The following HIVEP2 variants were observed in gnomAD, a reference collection of about 807,000 sequenced individuals.
The protein encoded by HIVEP2 is transcription factor HIVEP2.
A neutral mutation model predicts 180.7 loss-of-function variants in HIVEP2; 14 were observed. That is an observed-to-expected ratio of 0.08 (90% CI 0.05 to 0.12). HIVEP2 has a LOEUF of 0.12. HIVEP2 is among the 10% of genes least tolerant of loss of function. The pLI is 1.00. For synonymous variants in HIVEP2, 1,184 were observed against 1,136.4 expected (o/e 1.04, Z -0.84); for missense variants, 2,579 against 3,008.5 (o/e 0.86, Z 3.34).
Position 142,770,975 on chromosome 6 carries a change from T to C in HIVEP2, c.3764A>G (p.Tyr1255Cys), listed in dbSNP as rs1215586285. 2 of 1,614,172 alleles carry C rather than the reference T, an allele frequency of 1.2e-6. No individual in the cohort carries two copies. The highest frequency in any genetic ancestry group is 2.2e-5 in the East Asian group (1 of 44,874). The change falls in exon 5 of 10, where the codon TAT (tyrosine) becomes TGT (cysteine). Residue 1255 changes from tyrosine (Y) to cysteine (C), a missense_variant. Tyr to Cys is a radical substitution (Grantham distance 194). Around this residue, in one of 11 missense-constraint regions of HIVEP2, gnomAD observed 523 missense variants for 577.0 expected, o/e 0.91. Coordinates refer to ENST00000367603, the MANE Select transcript of HIVEP2 (RefSeq NM_006734.4). This position sits in a 1 kb window ranked among gnomAD's most constrained non-coding sequence, Gnocchi z 4.7. ...PSFQTEIHSS[Y>C]PLEHVAEHTG... ...GTGCTCTGCCACATGCTCTAAGGGATAGCTCGAATGGATTTCTGTCTGAAA... is the reference window on the plus strand; with the variant it reads ...GTGCTCTGCCACATGCTCTAAGGGACAGCTCGAATGGATTTCTGTCTGAAA...
At chr6:142,874,394 A>G (rs901617309) in intron 1 of HIVEP2, among the ~76,000 whole-genome samples, 3 of 152,124 alleles carry the variant, frequency 2.0e-5, no homozygotes, top group Non-Finnish European at 4.4e-5. Flanking sequence ...TTTTTAAAAA[A>G]TCTATTTTTA....
At chr6:142,884,330 T>G (rs569984638) in intron 1 of HIVEP2, among the ~76,000 whole-genome samples, 1 of 152,128 alleles carries the variant, frequency 6.6e-6, no homozygotes, top group South Asian at 2.1e-4. Context: ...GAATAAAACT[T>G]GGTAAGCCAA....
At chr6:142,754,191 T>C (rs1409257607) in intron 9 of HIVEP2, among the ~76,000 whole-genome samples, 2 of 152,268 alleles carry the variant, frequency 1.3e-5, no homozygotes, top group East Asian at 3.9e-4. Context: ...AGTCAGGGTG[T>C]TTTCCATTGG....
At chr6:142,847,150 G>A (rs562521999) in intron 1 of HIVEP2, among the ~76,000 whole-genome samples, 4 of 152,148 alleles carry the variant, frequency 2.6e-5, no homozygotes. Flanking sequence ...ATAGCCCAGC[G>A]TGTCATCCAT....
chr6:142,896,831 C>T (rs1427231152), intron 1 of HIVEP2, among the ~76,000 whole-genome samples: 1 of 152,168 alleles, frequency 6.6e-6, no homozygotes, highest in African/African-American at 2.4e-5. Context: ...ACATTTCCCT[C>T]TCCAATGGCT....
chr6:142,917,882 TCTC>T (rs1010097580), intron 1 of HIVEP2, among the ~76,000 whole-genome samples: 2 of 152,180 alleles, frequency 1.3e-5, no homozygotes, highest in East Asian at 1.9e-4. Context: ...TTCAAGCAGT[TCTC>T]CTGCTTCAGC....
At chr6:142,871,043 G>A (rs198671) in intron 1 of HIVEP2, among the ~76,000 whole-genome samples, 96,423 of 151,972 alleles carry the variant, frequency 0.63, 31,052 homozygotes, top group African/African-American at 0.68. Flanking sequence ...CAGTGAAACC[G>A]ACATTTTGCC....
At chr6:142,859,589 T>C (rs62430713) in intron 1 of HIVEP2, among the ~76,000 whole-genome samples, 20,624 of 151,608 alleles carry the variant, frequency 0.14, 1,670 homozygotes, top group Non-Finnish European at 0.17. Context: ...ATCCCAGCAC[T>C]TTGGGAGGCC....
In HIVEP2 at chr6:142,943,974, C is replaced by T. The variant is rs1365605126; in HGVS notation, c.-641+1125G>A. Among the ~76,000 whole-genome samples, 1 of 152,230 alleles carries T rather than the reference C, an allele frequency of 6.6e-6. No homozygotes were observed. Among genetic ancestry groups the T allele is most frequent in the Non-Finnish European group, 1.5e-5 (1 of 68,048 alleles). Reference sequence around the variant, plus strand: ...CAAGTGTCTTGATTAAGGACCCTCTCTCTTCTCCGCACTCCCGAGGTTAAA... The same window carrying T: ...CAAGTGTCTTGATTAAGGACCCTCTTTCTTCTCCGCACTCCCGAGGTTAAA... On this transcript the variant is annotated intron_variant, in intron 1 of 9. Coordinates refer to ENST00000367603, the MANE Select transcript of HIVEP2 (RefSeq NM_006734.4). This position sits in a 1 kb window ranked among gnomAD's most constrained non-coding sequence, Gnocchi z 4.5.
Position 142,771,276 on chromosome 6 carries a change from G to T in HIVEP2, c.3463C>A (p.Gln1155Lys), listed in dbSNP as rs777959498. The T allele has an allele frequency of 6.2e-7, 1 of 1,613,880 alleles. No homozygotes were observed. Among genetic ancestry groups the T allele is most frequent in the South Asian group, 1.1e-5 (1 of 91,080 alleles). ...CTGTCCATGTGCATGATCTGTGGCT[G>T]GGCCAGGTGCAGTGGCCCCGAGCTC... is the stretch of plus-strand genomic sequence containing the variant. ...PLSSGPLHLA[Q>K]PQIMHMDSQE... is the part of the protein sequence containing the mutation. The change falls in exon 5 of 10, where the codon CAG (glutamine) becomes AAG (lysine). Residue 1155 changes from glutamine to lysine, a missense_variant. Physicochemically the swap from Gln to Lys is moderately conservative, Grantham distance 53 (BLOSUM62 1). Transcript: ENST00000367603. This position sits in a 1 kb window ranked among gnomAD's most constrained non-coding sequence, Gnocchi z 5.4.
intron 1 of HIVEP2, among the ~76,000 whole-genome samples, chr6:142,887,626 G>A (rs569071057): frequency 6.6e-6 from 1 of 152,232 alleles, no homozygotes; most frequent in East Asian, 1.9e-4. Flanking sequence ...CTTAGTTTTA[G>A]TAATTCCAGG....
intron 9 of HIVEP2, among the ~76,000 whole-genome samples, chr6:142,758,779 A>G (rs919892525): frequency 2.6e-5 from 4 of 152,202 alleles, no homozygotes; most frequent in East Asian, 3.8e-4. Flanking sequence ...TAATGAAGGC[A>G]TATCATAGAA....
At chr6:142,850,000 C>T (rs1006446917) in intron 1 of HIVEP2, among the ~76,000 whole-genome samples, 3 of 152,138 alleles carry the variant, frequency 2.0e-5, no homozygotes, top group East Asian at 1.9e-4. Flanking sequence ...GAGTCAGACA[C>T]AAATCAGGTC....
In HIVEP2 at chr6:142,775,018, T is replaced by C. The variant is rs1582847540; in HGVS notation, c.-280A>G. Reference sequence around the variant, plus strand: ...AATCTATAAAGATTTCTTATGGCATTTGAAAATTTTCAACTAGGATGAAAT... The same window carrying C: ...AATCTATAAAGATTTCTTATGGCATCTGAAAATTTTCAACTAGGATGAAAT... On this transcript the variant is annotated 5_prime_UTR_variant, in exon 5 of 10. Transcript: ENST00000367603. 2.6e-6 allele frequency: 3 copies of C among 1,158,662 alleles called. No individual in the cohort carries two copies. Among genetic ancestry groups the C allele is most frequent in the East Asian group, 8.5e-5 (2 of 23,398 alleles). 71.8% of individuals were successfully genotyped at this position (1,158,662 alleles called of 1,614,324 possible).
chr6:142,916,638 C>T (rs942879193), intron 1 of HIVEP2, among the ~76,000 whole-genome samples: 2 of 152,194 alleles, frequency 1.3e-5, no homozygotes, highest in Non-Finnish European at 2.9e-5. Context: ...TCCTGTTCTC[C>T]TCTCTCCTGG....
intron 1 of HIVEP2, among the ~76,000 whole-genome samples, chr6:142,848,922 G>C (rs1376961195): frequency 6.6e-6 from 1 of 152,088 alleles, no homozygotes; most frequent in East Asian, 1.9e-4. Context: ...AGGTCCCAGA[G>C]GCTACATCTA....
chr6:142,791,705 G>T (rs563007708), intron 2 of HIVEP2, among the ~76,000 whole-genome samples: 3 of 152,112 alleles, frequency 2.0e-5, no homozygotes, highest in Non-Finnish European at 2.9e-5. Flanking sequence ...TTTGAATCCA[G>T]ATATTACTGC....
At chr6:142,857,187 G>T (rs182362724) in intron 1 of HIVEP2, among the ~76,000 whole-genome samples, 1 of 150,558 alleles carries the variant, frequency 6.6e-6, no homozygotes, top group Non-Finnish European at 1.5e-5. Flanking sequence ...AACGCTGTTA[G>T]AAAGTGAAGC....
chr6:142,879,872 C>T (rs1776538997), intron 1 of HIVEP2, among the ~76,000 whole-genome samples: 1 of 152,114 alleles, frequency 6.6e-6, no homozygotes, highest in Admixed American at 6.6e-5. Flanking sequence ...GCAAAAGTCA[C>T]TCAATAGTGC....
Sources: gnomAD v4.1 joint callset for allele counts (sites outside exome capture counted in the v4.1 genomes callset) on GRCh38, gnomAD v4.1.1 for gene constraint, gnomAD v4.1.1 regional missense constraint, Gnocchi (gnomAD v3.1) non-coding constraint, MANE v1.5 for transcripts, NCBI Gene and HGNC (gene_info 2026-07-23, HGNC 2026-07-21) for gene names.